Variants in SETD3 observed in about 807,000 individuals in gnomAD.
SETD3 encodes the protein SET domain containing 3, actin N3(tau)-histidine methyltransferase.
Under a neutral mutation model 63.0 loss-of-function variants are expected in SETD3, and 19 were observed. The ratio of observed to expected loss-of-function variants is 0.30; its 90% CI spans 0.21 to 0.44. The LOEUF (loss-of-function observed/expected upper bound fraction) is 0.44, where lower values mean the gene tolerates loss of function less well. Among genes scored for constraint, SETD3 ranks in the 20% least tolerant of loss-of-function variants. The pLI, the probability that SETD3 is intolerant of heterozygous loss-of-function variation, is 1.00. For missense variants in SETD3, 587 were observed against 728.5 expected (o/e 0.81, Z 2.24); for synonymous variants, 286 against 264.1 (o/e 1.08, Z -0.80).
chr14:99,424,838 A>C (rs1892793607), intron 6 of SETD3, among the ~76,000 whole-genome samples: 1 of 152,168 alleles, frequency 6.6e-6, no homozygotes, highest in Admixed American at 6.5e-5. Flanking sequence ...GGGAAGTGAG[A>C]GAGAAGCCGG....
intron 1 of SETD3, among the ~76,000 whole-genome samples, chr14:99,477,902 G>A (rs1411006228): frequency 6.6e-6 from 1 of 151,892 alleles, no homozygotes; most frequent in East Asian, 1.9e-4. Context: ...TCCAATTTAT[G>A]AATAGAAAAA....
At chr14:99,479,858 G>C (rs1179268009) in intron 1 of SETD3, among the ~76,000 whole-genome samples, 1 of 152,232 alleles carries the variant, frequency 6.6e-6, no homozygotes, top group Non-Finnish European at 1.5e-5. Flanking sequence ...GAATGCCTTT[G>C]CAACACTGAA....
chr14:99,404,069 A>G (rs1891545254), intron 11 of SETD3, among the ~76,000 whole-genome samples, 156 bp downstream of exon 11: 1 of 152,256 alleles, frequency 6.6e-6, no homozygotes, highest in South Asian at 2.1e-4. Context: ...AGGGTAAAAC[A>G]AATCTATTTC....
rs114136692 is a variant in SETD3 at position 99,469,682 on chromosome 14, G to T, written c.-8-3869C>A. Among the ~76,000 whole-genome samples the T allele has an allele frequency of 7.6e-3, 1,153 of 152,326 alleles. 24 individuals carry two copies. Among genetic ancestry groups the T allele is most frequent in the African/African-American group, 0.026 (1,099 of 41,564 alleles). ...GATCCCTTCAGCCCAGAAGGCAGAG[G>T]CTGCAATGAGCTGTGATGGCGTCAC... is the stretch of plus-strand genomic sequence containing the variant. On this transcript the variant is annotated intron_variant, in intron 1 of 12. Transcript: ENST00000331768.
At chr14:99,469,991 C>T (rs748912631) in intron 1 of SETD3, among the ~76,000 whole-genome samples, 2 of 152,218 alleles carry the variant, frequency 1.3e-5, no homozygotes, top group South Asian at 2.1e-4. Context: ...TTCGCTCACA[C>T]GTCTTTCCAC....
At chr14:99,439,115 C>T (rs797004819) in intron 6 of SETD3, among the ~76,000 whole-genome samples, 12 of 152,316 alleles carry the variant, frequency 7.9e-5, no homozygotes, top group African/African-American at 2.6e-4. Flanking sequence ...CCAACTTTGG[C>T]GGGAGCCACA....
In SETD3 at chr14:99,446,870, C is replaced by A. The variant is rs147559595; in HGVS notation, c.675+11409G>T. On this transcript the variant is annotated intron_variant, in intron 6 of 12. Coordinates refer to ENST00000331768, the MANE Select transcript of SETD3 (RefSeq NM_032233.3). Reference sequence around the variant, plus strand: ...CTCAAACCCGCCTCAGGGGGACACACCAGTGTACACTAGGGGCACCCTCCC... The same window carrying A: ...CTCAAACCCGCCTCAGGGGGACACAACAGTGTACACTAGGGGCACCCTCCC... 4.5e-3 allele frequency among the ~76,000 whole-genome samples: 685 copies of A among 152,106 alleles called. 3 individuals carry two copies. Among genetic ancestry groups the A allele is most frequent in the Non-Finnish European group, 7.1e-3 (484 of 67,986 alleles).
At chr14:99,447,907 C>G (rs1894227522) in intron 6 of SETD3, among the ~76,000 whole-genome samples, 1 of 152,204 alleles carries the variant, frequency 6.6e-6, no homozygotes, top group Admixed American at 6.5e-5. Flanking sequence ...AGACTGCCAG[C>G]AAGCTCACAG....
rs1891212386 is a variant in SETD3, at chr14:99,398,700, G to A, written c.1764C>T (p.Ser588=). 1 of 1,613,912 alleles carries A rather than the reference G, an allele frequency of 6.2e-7. No homozygotes were observed. The highest frequency in any genetic ancestry group is 1.7e-5 in the Admixed American group (1 of 59,982). ...VEDAKGSSSD[S]TAGVKE is the part of the protein sequence containing the mutation. ...CGAGCTACTCCTTAACTCCAGCAGTGCTGTCTGAAGAAGATCCTTTGGCGT... is the reference window on the plus strand; with the variant it reads ...CGAGCTACTCCTTAACTCCAGCAGTACTGTCTGAAGAAGATCCTTTGGCGT... Residue 588 remains serine, a synonymous_variant, in exon 13 of 13, where the codon AGC becomes AGT. Coordinates refer to ENST00000331768, the MANE Select transcript of SETD3 (RefSeq NM_032233.3).
At chr14:99,445,348 A>G (rs1389430780) in intron 6 of SETD3, among the ~76,000 whole-genome samples, 2 of 152,368 alleles carry the variant, frequency 1.3e-5, no homozygotes, top group Non-Finnish European at 2.9e-5. Context: ...AAGTTCAACT[A>G]AAGTTAAGCC....
Position 99,404,249 on chromosome 14 carries a change from G to A in SETD3, c.1153C>T (p.Leu385Phe), listed in dbSNP as rs760396685. Reference protein sequence around the residue: ...PPISAQLLAFLRVFCMTEEEL... With the variant: ...PPISAQLLAFFRVFCMTEEEL... ...CCTTCAGTCATACAGAATACTCGGA[G>A]AAAAGCCAAAAGCTGAGCAGAGATG... The change falls in exon 11 of 13, where the codon CTC becomes TTC. Residue 385 changes from leucine to phenylalanine, a missense_variant. Transcript: ENST00000331768. The A allele has an allele frequency of 6.2e-7, 1 of 1,613,928 alleles. No homozygotes were observed. Among genetic ancestry groups the A allele is most frequent in the African/African-American group, 1.3e-5 (1 of 74,900 alleles).
upstream of SETD3, among the ~76,000 whole-genome samples, chr14:99,482,978 C>T (rs556652973): frequency 6.6e-6 from 1 of 152,148 alleles, no homozygotes; most frequent in Admixed American, 6.5e-5. Context: ...ACAGAGTGAT[C>T]ATATTTTTAA....
At chr14:99,408,201 G>T (rs1013989614) in intron 8 of SETD3, among the ~76,000 whole-genome samples, 1 of 152,144 alleles carries the variant, frequency 6.6e-6, no homozygotes, top group Non-Finnish European at 1.5e-5. Flanking sequence ...AATATCCCAA[G>T]AATAAATATG....
intron 8 of SETD3, among the ~76,000 whole-genome samples, chr14:99,407,575 C>T (rs1891753065): frequency 6.6e-6 from 1 of 152,186 alleles, no homozygotes; most frequent in Non-Finnish European, 1.5e-5. Flanking sequence ...GGAATAAACC[C>T]CAAGTTCCTG....
chr14:99,442,250 C>G (rs1466257731), intron 6 of SETD3, among the ~76,000 whole-genome samples: 1 of 152,174 alleles, frequency 6.6e-6, no homozygotes, highest in Non-Finnish European at 1.5e-5. Context: ...AAATGAAATA[C>G]ACAGTTTCTG....
chr14:99,446,229 T>C (rs1036220289), intron 6 of SETD3, among the ~76,000 whole-genome samples: 2 of 152,204 alleles, frequency 1.3e-5, no homozygotes, highest in Non-Finnish European at 2.9e-5. Flanking sequence ...AGCCCACCAC[T>C]GGCATTTGGA....
chr14:99,427,655 A>T (rs1892955629), intron 6 of SETD3, among the ~76,000 whole-genome samples: 1 of 152,214 alleles, frequency 6.6e-6, no homozygotes, highest in African/African-American at 2.4e-5. Flanking sequence ...AAAGCTTCCC[A>T]GCAAAGCTTC....
intron 6 of SETD3, among the ~76,000 whole-genome samples, chr14:99,417,086 T>C (rs1350753391): frequency 6.6e-6 from 1 of 152,242 alleles, no homozygotes; most frequent in Non-Finnish European, 1.5e-5. Context: ...ATGGGTCTGG[T>C]AGCTATGCTT....
At position 99,405,187 on chromosome 14, in the gene SETD3, C is replaced by A; in HGVS notation, c.1091+18G>T. 2 of 1,604,454 alleles carry A rather than the reference C, an allele frequency of 1.2e-6. No homozygotes were observed. The highest frequency in any genetic ancestry group is 1.7e-6 in the Non-Finnish European group (2 of 1,176,580). ...TCAAGTACTGCAAGAAAGGGCCAAC[C>A]GATGTTTTTCTACGTACGTGGGGAT... On this transcript the variant is annotated intron_variant, in intron 10 of 12. Transcript: ENST00000331768.
Sources: allele counts gnomAD v4.1 joint callset (sites outside exome capture counted in the v4.1 genomes callset), GRCh38; gene constraint gnomAD v4.1.1; transcripts MANE v1.5; gene names NCBI Gene and HGNC (gene_info 2026-07-23, HGNC 2026-07-21).